CCNY: variants seen among roughly 807,000 people sequenced by gnomAD.
The protein encoded by CCNY is cyclin Y, also known as cyclin-Y.
Under a neutral mutation model 42.8 loss-of-function variants are expected in CCNY, and 19 were observed. That is an observed-to-expected ratio of 0.44 (90% CI 0.31 to 0.65). The LOEUF (loss-of-function observed/expected upper bound fraction) is 0.65, where lower values mean the gene tolerates loss of function less well. Among genes scored for constraint, CCNY ranks in the 30% least tolerant of loss-of-function variants. CCNY has a pLI of 0.07. For synonymous variants in CCNY, 165 were observed against 162.7 expected (o/e 1.01, Z -0.11); for missense variants, 370 against 437.3 (o/e 0.85, Z 1.37).
chr10:35,564,352 C>T (rs1489596046), intron 8 of CCNY, among the ~76,000 whole-genome samples: 1 of 152,116 alleles, frequency 6.6e-6, no homozygotes, highest in African/African-American at 2.4e-5. Context: ...CCCAGTGCTC[C>T]TTTCCCCAGC....
rs767183081 is a variant in CCNY at position 35,525,984 on chromosome 10, A to G, written c.386A>G (p.Tyr129Cys). ...TIKCVALAIYYHIKNRDPDGR... is the reference protein window; with the variant it reads ...TIKCVALAIYCHIKNRDPDGR... ...TACAGTGTCGCTCTTGCAATATATT[A>G]TCACATCAAAAACAGGTATGTGGAT... Residue 129 changes from tyrosine to cysteine, a missense_variant, in exon 5 of 10, where the codon TAT becomes TGT. Transcript: ENST00000374704. 3 of 1,611,572 alleles carry G rather than the reference A, an allele frequency of 1.9e-6. No individual in the cohort carries two copies. The highest frequency in any genetic ancestry group is 2.5e-6 in the Non-Finnish European group (3 of 1,179,264).
At chr10:35,559,321 T>C (rs2135457902) in intron 8 of CCNY, among the ~76,000 whole-genome samples, 1 of 152,262 alleles carries the variant, frequency 6.6e-6, no homozygotes, top group South Asian at 2.1e-4. Context: ...GAAATGAATG[T>C]GGATGTTTTA....
chr10:35,269,409 T>C (rs2095728855), intron 3 of CCNY, among the ~76,000 whole-genome samples: 1 of 149,830 alleles, frequency 6.7e-6, no homozygotes, highest in Non-Finnish European at 1.5e-5. Flanking sequence ...CTCCACCTCC[T>C]GGGTTCAAGC....
At chr10:35,447,258 C>A (rs1177219012) in intron 1 of CCNY, among the ~76,000 whole-genome samples, 3 of 152,218 alleles carry the variant, frequency 2.0e-5, no homozygotes, top group African/African-American at 7.2e-5. Flanking sequence ...GCCTGTGTGA[C>A]AGAGCGAGAC....
At chr10:35,286,655 C>CTTTT (rs1192327536) in intron 3 of CCNY, among the ~76,000 whole-genome samples, 3 of 112,242 alleles carry the variant, frequency 2.7e-5, no homozygotes, top group African/African-American at 1.0e-4. Flanking sequence ...CGTGCCCAGC[C>CTTTT]TTTTTTTTTT....
chr10:35,357,305 C>T (rs4934543), intron 1 of CCNY, among the ~76,000 whole-genome samples: 43,756 of 151,758 alleles, frequency 0.29, 6,588 homozygotes, highest in Admixed American at 0.35. Flanking sequence ...TTCCCCCACT[C>T]CCAGAATAGA....
intron 1 of CCNY, among the ~76,000 whole-genome samples, chr10:35,434,472 A>G (rs1207318595): frequency 6.6e-6 from 1 of 152,230 alleles, no homozygotes; most frequent in African/African-American, 2.4e-5. Flanking sequence ...TACTACACAT[A>G]TATGATTTTA....
chr10:35,354,586 A>T (rs1430479489), intron 1 of CCNY, among the ~76,000 whole-genome samples: 2 of 152,234 alleles, frequency 1.3e-5, no homozygotes, highest in Non-Finnish European at 2.9e-5. Flanking sequence ...ATATTAATAC[A>T]AGAGTGTGAA....
At chr10:35,350,158 C>T (rs948947472) in intron 1 of CCNY, among the ~76,000 whole-genome samples, 5 of 152,152 alleles carry the variant, frequency 3.3e-5, no homozygotes, top group Non-Finnish European at 7.3e-5. Context: ...CATTGGCCAC[C>T]GTTCTGACAA....
In CCNY at chr10:35,259,541, C is replaced by T. The variant is rs1432221490; in HGVS notation, c.-9+8915C>T. Reference sequence around the variant, plus strand: ...TTTTTGAGACAGAGTCTTGCTCTGTCACCCAGGCTGGAGTGCAGTGGCATG... The same window carrying T: ...TTTTTGAGACAGAGTCTTGCTCTGTTACCCAGGCTGGAGTGCAGTGGCATG... On this transcript the variant is annotated intron_variant, in intron 3 of 11. Transcript: ENST00000374706. 2.6e-5 allele frequency among the ~76,000 whole-genome samples: 3 copies of T among 117,338 alleles called. No homozygotes were observed. In the East Asian group the frequency reaches 8.3e-4, roughly 32 times the overall value. 77.0% of individuals were successfully genotyped at this position (117,338 alleles called of 152,430 possible).
rs112600231 is a variant in CCNY, at chr10:35,541,030, G to A, written c.579+10787G>A. Among the ~76,000 whole-genome samples the A allele has an allele frequency of 3.6e-3, 543 of 151,656 alleles. 4 individuals carry two copies. Among genetic ancestry groups the A allele is most frequent in the African/African-American group, 0.012 (485 of 41,356 alleles). On this transcript the variant is annotated intron_variant, in intron 7 of 9. Coordinates refer to ENST00000374704, the MANE Select transcript of CCNY (RefSeq NM_145012.6). Reference sequence around the variant, plus strand: ...TTTCATTTCTTTCCACTTTAATGTCGATTACTTCCTTCCTTCTACTTACTT... The same window carrying A: ...TTTCATTTCTTTCCACTTTAATGTCAATTACTTCCTTCCTTCTACTTACTT...
chr10:35,499,073 G>A (rs1023497250), intron 2 of CCNY, among the ~76,000 whole-genome samples: 5 of 152,010 alleles, frequency 3.3e-5, no homozygotes, highest in African/African-American at 1.2e-4. Flanking sequence ...CTTGTAGGTG[G>A]TGGACAAAAA....
chr10:35,476,598 A>T lies in CCNY; in HGVS notation c.155-6806A>T, dbSNP rs1025340145. 6.5e-3 allele frequency among the ~76,000 whole-genome samples: 982 copies of T among 151,818 alleles called. 11 individuals carry two copies. The highest frequency in any genetic ancestry group is 0.022 in the African/African-American group (924 of 41,328). ...TTCTTTGAAACCAACGAGAACAAAG[A>T]CACAACATACCAGAATCTCTGGGAC... is the stretch of plus-strand genomic sequence containing the variant. On this transcript the variant is annotated intron_variant, in intron 1 of 9. Transcript: ENST00000374704.
intron 3 of CCNY, among the ~76,000 whole-genome samples, chr10:35,254,476 A>T (rs1161293870): frequency 6.6e-6 from 1 of 152,172 alleles, no homozygotes; most frequent in Non-Finnish European, 1.5e-5. Context: ...TAGTCTGGTA[A>T]TGCTGACCTA....
intron 5 of CCNY, among the ~76,000 whole-genome samples, chr10:35,528,955 A>T (rs7900445): frequency 0.024 from 3,632 of 152,306 alleles, 64 homozygotes; most frequent in African/African-American, 0.041. Flanking sequence ...AAAAGCTGTC[A>T]TTTCCAAGTT....
intron 1 of CCNY, among the ~76,000 whole-genome samples, chr10:35,428,840 A>G (rs1478273987): frequency 1.3e-5 from 2 of 152,338 alleles, no homozygotes; most frequent in East Asian, 3.9e-4. Context: ...TGATGGTTGC[A>G]TGCACTGCAG....
At chr10:35,346,957 T>C (rs1205411889) in intron 1 of CCNY, among the ~76,000 whole-genome samples, 5 of 152,208 alleles carry the variant, frequency 3.3e-5, no homozygotes, top group South Asian at 4.1e-4. Flanking sequence ...TTTTTTGTTA[T>C]TGTTTTGTTT....
chr10:35,279,136 GAC>G (rs1835271876), intron 3 of CCNY, among the ~76,000 whole-genome samples: 1 of 118,426 alleles, frequency 8.4e-6, no homozygotes, highest in African/African-American at 3.4e-5. Context: ...TTTTTTTTGA[GAC>G]AGGGTCTCAC....
chr10:35,282,545 G>C (rs566278347), intron 3 of CCNY, among the ~76,000 whole-genome samples: 1 of 151,756 alleles, frequency 6.6e-6, no homozygotes, highest in Admixed American at 6.6e-5. Context: ...GGCCAACATG[G>C]TGAAACCCTG....
Sources: gnomAD v4.1 joint callset for allele counts (sites outside exome capture counted in the v4.1 genomes callset) on GRCh38, gnomAD v4.1.1 for gene constraint, MANE v1.5 for transcripts, NCBI Gene and HGNC (gene_info 2026-07-23, HGNC 2026-07-21) for gene names.